Variants in IL11 observed in about 807,000 individuals in gnomAD.
IL11 encodes interleukin-11.
IL11 carries 17 observed loss-of-function variants against 18.1 expected under a neutral mutation model. That is an observed-to-expected ratio of 0.94 (90% CI 0.64 to 1.41). The LOEUF (loss-of-function observed/expected upper bound fraction) is 1.41. IL11 is among the 40% of genes most tolerant of loss of function. IL11 has a pLI of 0.00. For missense variants in IL11, 309 were observed against 262.8 expected (o/e 1.18, Z -1.22); for synonymous variants, 144 against 134.1 (o/e 1.07, Z -0.51).
chr19:55,369,008 G>A lies in IL11; in HGVS notation c.8-67C>T. On this transcript the variant is annotated intron_variant, in intron 1 of 4. Transcript: ENST00000264563. This position sits in a 1 kb window ranked among gnomAD's most constrained non-coding sequence, Gnocchi z 6.1. ...GTCTGAGAGAGGAGGGCCTGGGCCT[G>A]GACTCCCGGGTCTGAGGGAGGAGGA... The A allele has an allele frequency of 7.9e-6, 11 of 1,385,492 alleles. No homozygotes were observed. The highest frequency in any genetic ancestry group is 1.1e-5 in the Non-Finnish European group (11 of 1,040,754). 85.8% of individuals were successfully genotyped at this position (1,385,492 alleles called of 1,614,324 possible).
Position 55,366,248 on chromosome 19 carries a change from A to C in IL11, c.430-71T>G. On this transcript the variant is annotated intron_variant, in intron 4 of 4. Transcript: ENST00000264563. The surrounding 1 kb of genome is among the most constrained non-coding windows in gnomAD (Gnocchi z 4.6). The stretch of plus-strand genomic sequence containing the variant: ...GGGGTGCAGGGCAGGGGTGCTGTGG[A>C]GCTGCAGCTGAATCGGGGCTGCATA... The C allele has an allele frequency of 7.1e-7, 1 of 1,412,314 alleles. No homozygotes were observed. Among genetic ancestry groups the C allele is most frequent in the South Asian group, 1.5e-5 (1 of 65,840 alleles). 87.5% of individuals were successfully genotyped at this position (1,412,314 alleles called of 1,614,324 possible). A position where few individuals can be genotyped will look rare whatever the true frequency, so the allele number is the denominator to read the frequency against.
At position 55,368,769 on chromosome 19, in the gene IL11, C is replaced by A; in HGVS notation, c.180G>T (p.Leu60=). ...CTGGCCCCAGCCCAGTCTCTCCTAC[C>A]AGCTGTGCAGCCAGCTGCCGCGTGT... is the stretch of plus-strand genomic sequence containing the variant. ...LADTRQLAAQ[L]RDKFPADGDH... Residue 60 remains leucine, a splice_region_variant and synonymous_variant, in exon 2 of 5, where the codon CTG becomes CTT. Coordinates refer to ENST00000264563, the MANE Select transcript of IL11 (RefSeq NM_000641.4). 6.3e-7 allele frequency: 1 copy of A among 1,577,498 alleles called. No homozygotes were observed. The highest frequency in any genetic ancestry group is 8.6e-7 in the Non-Finnish European group (1 of 1,161,946).
rs892853992 is a variant in IL11 at position 55,364,725 on chromosome 19, A to G, written c.*1282T>C. On this transcript the variant is annotated 3_prime_UTR_variant, in exon 5 of 5. Coordinates refer to ENST00000264563, the MANE Select transcript of IL11 (RefSeq NM_000641.4). ...GGTCTCGAACTCTTGGACTTCAGTG[A>G]TCCACTCGCTTCGTCCTCCCAAAGT... The G allele has an allele frequency of 6.6e-6, 1 of 152,112 alleles. No individual in the cohort carries two copies. Among genetic ancestry groups the G allele is most frequent in the Non-Finnish European group, 1.5e-5 (1 of 68,038 alleles). 9.4% of individuals were successfully genotyped at this position (152,112 alleles called of 1,614,324 possible). A position where few individuals can be genotyped will look rare whatever the true frequency, so the allele number is the denominator to read the frequency against.
At position 55,368,831 on chromosome 19, in the gene IL11, C is replaced by G; in HGVS notation, c.118G>C (p.Asp40His). The change falls in exon 2 of 5, where the codon GAC (aspartate) becomes CAC (histidine). Residue 40 changes from aspartate (D) to histidine (H), a missense_variant. Coordinates refer to ENST00000264563, the MANE Select transcript of IL11 (RefSeq NM_000641.4). ...RVSPDPRAELDSTVLLTRSLL... is the reference protein window; with the variant it reads ...RVSPDPRAELHSTVLLTRSLL... The stretch of plus-strand genomic sequence containing the variant: ...GAGCGGGTCAGGAGCACGGTGCTGT[C>G]CAGCTCGGCCCGAGGGTCTGGGGAA... The G allele has an allele frequency of 6.3e-7, 1 of 1,591,048 alleles. No homozygotes were observed. The highest frequency in any genetic ancestry group is 8.6e-7 in the Non-Finnish European group (1 of 1,169,424).
In IL11 at chr19:55,368,237, G is replaced by T. The variant is rs1005633961; in HGVS notation, c.402C>A (p.Asp134Glu). Residue 134 changes from aspartate (D) to glutamate (E), a missense_variant, in exon 4 of 5, where the codon GAC (aspartate) becomes GAA (glutamate). Asp to Glu is a conservative substitution (Grantham distance 45, BLOSUM62 2). Transcript: ENST00000264563. ...GGAGCTGCAGCCGGCGCAGCAGCCG[G>T]TCCAGTCGGGCCTGCAGGGTGCCCA... ...PELGTLQARL[D>E]RLLRRLQLLM... 9 of 1,539,726 alleles carry T rather than the reference G, an allele frequency of 5.8e-6. No individual in the cohort carries two copies. The highest frequency in any genetic ancestry group is 6.1e-6 in the Non-Finnish European group (7 of 1,140,132).
At position 55,370,280 on chromosome 19, in the gene IL11, C is replaced by T. The variant is rs1319334802; in HGVS notation, c.7+24G>A. The T allele has an allele frequency of 3.3e-6, 5 of 1,493,988 alleles. No individual in the cohort carries two copies. In the Admixed American group the frequency reaches 8.4e-5, roughly 25 times the overall value. The allele number at this position is 1,493,988 out of a possible 1,614,324, so 92.5% of individuals were successfully genotyped here. A position where few individuals can be genotyped will look rare whatever the true frequency, so the allele number is the denominator to read the frequency against. On this transcript the variant is annotated intron_variant, in intron 1 of 4. Coordinates refer to ENST00000264563, the MANE Select transcript of IL11 (RefSeq NM_000641.4). ...CTCCTCCCTGCCTCCCTGTCCCCTCCACCCTCCCCATGAACCAACTTACAG... is the reference window on the plus strand; with the variant it reads ...CTCCTCCCTGCCTCCCTGTCCCCTCTACCCTCCCCATGAACCAACTTACAG...
At position 55,369,095 on chromosome 19, in the gene IL11, TCTGAGGGAGGAAGGC is replaced by T. The variant is rs2089805151; in HGVS notation, c.8-169_8-155del. 1 of 593,706 alleles carries T rather than the reference TCTGAGGGAGGAAGGC, an allele frequency of 1.7e-6. No homozygotes were observed. Among genetic ancestry groups the T allele is most frequent in the African/African-American group, 2.2e-5 (1 of 44,868 alleles). The allele number at this position is 593,706 out of a possible 1,614,324, so 36.8% of individuals were successfully genotyped here. A position where few individuals can be genotyped will look rare whatever the true frequency, so the allele number is the denominator to read the frequency against. On this transcript the variant is annotated intron_variant, in intron 1 of 4. Coordinates refer to ENST00000264563, the MANE Select transcript of IL11 (RefSeq NM_000641.4). The surrounding 1 kb of genome is among the most constrained non-coding windows in gnomAD (Gnocchi z 6.1). ...GAGGCTGGGGGCCTGGACTCCTAGGTCTGAGGGAGGAAGGCCTGGGGTCTGGACTCCTGGGTCTCG... is the reference window on the plus strand; with the variant it reads ...GAGGCTGGGGGCCTGGACTCCTAGGTCTGGGGTCTGGACTCCTGGGTCTCG...
rs1569031102 is a variant in IL11 at position 55,365,715 on chromosome 19, G to A, written c.*292C>T. 1 of 445,156 alleles carries A rather than the reference G, an allele frequency of 2.2e-6. No individual in the cohort carries two copies. Among genetic ancestry groups the A allele is most frequent in the African/African-American group, 2.1e-5 (1 of 47,648 alleles). 27.6% of individuals were successfully genotyped at this position (445,156 alleles called of 1,614,324 possible). On this transcript the variant is annotated 3_prime_UTR_variant, in exon 5 of 5. Transcript: ENST00000264563. Reference sequence around the variant, plus strand: ...TATATGTTCCTGCCCAGGCCTAGATGGGGAAGAGCCAGGGCAGAAGTCTGT... The same window carrying A: ...TATATGTTCCTGCCCAGGCCTAGATAGGGAAGAGCCAGGGCAGAAGTCTGT...
rs955379031 is a variant in IL11, at chr19:55,369,647, G to C, written c.7+657C>G. The stretch of plus-strand genomic sequence containing the variant: ...GGGGCGCGGGGGGCGCGGGGGGCGC[G>C]GGGGTCCGGAGCTCGCTCCCCGCAG... On this transcript the variant is annotated intron_variant, in intron 1 of 4. Coordinates refer to ENST00000264563, the MANE Select transcript of IL11 (RefSeq NM_000641.4). This position sits in a 1 kb window ranked among gnomAD's most constrained non-coding sequence, Gnocchi z 6.1. 7.8e-6 allele frequency among the ~76,000 whole-genome samples: 1 copy of C among 127,544 alleles called. No homozygotes were observed. Among genetic ancestry groups the C allele is most frequent in the Non-Finnish European group, 1.6e-5 (1 of 62,024 alleles). 83.7% of individuals were successfully genotyped at this position (127,544 alleles called of 152,430 possible). A position where few individuals can be genotyped will look rare whatever the true frequency, so the allele number is the denominator to read the frequency against.
Position 55,368,375 on chromosome 19 carries a change from G to T in IL11, c.268-4C>A. ...GCCTTGTCAGCACACCTGGGAGCTG[G>T]GGATAGAGCCGGGACATCAGAGAAC... On this transcript the variant is annotated splice_polypyrimidine_tract_variant and splice_region_variant and intron_variant, in intron 3 of 4. Transcript: ENST00000264563. The T allele has an allele frequency of 6.3e-7, 1 of 1,593,348 alleles. No individual in the cohort carries two copies. Among genetic ancestry groups the T allele is most frequent in the East Asian group, 2.3e-5 (1 of 44,166 alleles).
rs773337540 is a variant in IL11 at position 55,366,079 on chromosome 19, G to T, written c.528C>A (p.Ala176=). ...SAWGGIRAAH[A]ILGGLHLTLD... is the part of the protein sequence containing the mutation. ...GTGTCAGGTGCAGCCCCCCCAGGATGGCGTGGGCGGCCCTGATGCCCCCCC... is the reference window on the plus strand; with the variant it reads ...GTGTCAGGTGCAGCCCCCCCAGGATTGCGTGGGCGGCCCTGATGCCCCCCC... Residue 176 remains alanine (A), a synonymous_variant, in exon 5 of 5, where the codon GCC becomes GCA. Transcript: ENST00000264563. The surrounding 1 kb of genome is among the most constrained non-coding windows in gnomAD (Gnocchi z 4.6). 2.2e-5 allele frequency: 35 copies of T among 1,591,482 alleles called. No homozygotes were observed. Among genetic ancestry groups the T allele is most frequent in the Non-Finnish European group, 2.7e-5 (32 of 1,170,440 alleles).
rs940416060 is a variant in IL11, at chr19:55,366,549, G to A, written c.430-372C>T. Among the ~76,000 whole-genome samples, 10 of 152,060 alleles carry A rather than the reference G, an allele frequency of 6.6e-5. No homozygotes were observed. Among genetic ancestry groups the A allele is most frequent in the African/African-American group, 2.4e-4 (10 of 41,384 alleles). ...TAAGAAGCCAGGCGCGGGGGCTCAC[G>A]CCTGTTATCCCAGCGCTTTGGGAGG... On this transcript the variant is annotated intron_variant, in intron 4 of 4. Coordinates refer to ENST00000264563, the MANE Select transcript of IL11 (RefSeq NM_000641.4). The surrounding 1 kb of genome is among the most constrained non-coding windows in gnomAD (Gnocchi z 4.6).
At chr19:55,368,156 T>G in intron 4 of IL11, 54 bp downstream of exon 4, 6 of 1,438,808 alleles carry the variant, frequency 4.2e-6, no homozygotes, top group Middle Eastern at 2.5e-4. Context: ...GGCCACAGGA[T>G]TTTGGGGCCA....
At chr19:55,368,626 C>G (rs2089801489) in intron 2 of IL11, 57 bp from the exon 3 acceptor site, 1 of 1,518,290 alleles carries the variant, frequency 6.6e-7, no homozygotes, top group Non-Finnish European at 8.9e-7. Flanking sequence ...CTCCCTCCAT[C>G]CCCCACGCCA....
Position 55,365,158 on chromosome 19 carries a change from G to T in IL11, c.*849C>A, listed in dbSNP as rs893468381. 14 of 152,116 alleles carry T rather than the reference G, an allele frequency of 9.2e-5. No individual in the cohort carries two copies. The highest frequency in any genetic ancestry group is 3.1e-4 in the African/African-American group (13 of 41,406). The allele number at this position is 152,116 out of a possible 1,614,324, so 9.4% of individuals were successfully genotyped here. ...AGTTCGAAACCAGCCTGGCCAACAT[G>T]GTGAAACCCTGTCTCTACTAAAAAT... is the stretch of plus-strand genomic sequence containing the variant. On this transcript the variant is annotated 3_prime_UTR_variant, in exon 5 of 5. Transcript: ENST00000264563.
chr19:55,370,391 G>T lies in IL11; in HGVS notation c.-81C>A. 3 of 1,261,024 alleles carry T rather than the reference G, an allele frequency of 2.4e-6. No individual in the cohort carries two copies. Among genetic ancestry groups the T allele is most frequent in the South Asian group, 1.9e-5 (1 of 51,368 alleles). 78.1% of individuals were successfully genotyped at this position (1,261,024 alleles called of 1,614,324 possible). On this transcript the variant is annotated 5_prime_UTR_variant, in exon 1 of 5. Transcript: ENST00000264563. ...AACCCTTCCCTGTCCGCTGCCGGGG[G>T]AGCCCCGAGGGTCAGCTGGGCCGCG...
Position 55,369,089 on chromosome 19 carries a change from C to T in IL11, c.8-148G>A. 4.7e-6 allele frequency: 3 copies of T among 639,752 alleles called. No homozygotes were observed. The Admixed American group carries it at 1.0e-4, about 22-fold the overall frequency. 39.6% of individuals were successfully genotyped at this position (639,752 alleles called of 1,614,324 possible). A position where few individuals can be genotyped will look rare whatever the true frequency, so the allele number is the denominator to read the frequency against. The stretch of plus-strand genomic sequence containing the variant: ...GGAGGAGAGGCTGGGGGCCTGGACT[C>T]CTAGGTCTGAGGGAGGAAGGCCTGG... On this transcript the variant is annotated intron_variant, in intron 1 of 4. Coordinates refer to ENST00000264563, the MANE Select transcript of IL11 (RefSeq NM_000641.4). This position sits in a 1 kb window ranked among gnomAD's most constrained non-coding sequence, Gnocchi z 6.1.
chr19:55,368,933 G>T lies in IL11; in HGVS notation c.16C>A (p.Arg6Ser). The change falls in exon 2 of 5, where the codon CGC becomes AGC. Residue 6 changes from arginine to serine, a missense_variant. By Grantham distance (110) the Arg-to-Ser change is moderately radical (BLOSUM62 -1). Transcript: ENST00000264563. MNCVC[R>S]LVLVVLSLWP... ...AGGCTCAGCACGACCAGGACCAGGC[G>T]GCAAACACCTGGGGGCAGGATAAGG... 1 of 1,515,452 alleles carries T rather than the reference G, an allele frequency of 6.6e-7. No individual in the cohort carries two copies. The highest frequency in any genetic ancestry group is 8.9e-7 in the Non-Finnish European group (1 of 1,126,618). The allele number at this position is 1,515,452 out of a possible 1,614,324, so 93.9% of individuals were successfully genotyped here. A position where few individuals can be genotyped will look rare whatever the true frequency, so the allele number is the denominator to read the frequency against.
chr19:55,368,156 T>C, intron 4 of IL11, 54 bp downstream of exon 4: 1 of 1,438,822 alleles, frequency 7.0e-7, no homozygotes. Flanking sequence ...GGCCACAGGA[T>C]TTTGGGGCCA....
Sources: allele counts gnomAD v4.1 joint callset (sites outside exome capture counted in the v4.1 genomes callset), GRCh38; gene constraint gnomAD v4.1.1; non-coding constraint Gnocchi (gnomAD v3.1); transcripts MANE v1.5; gene names NCBI Gene and HGNC (gene_info 2026-07-23, HGNC 2026-07-21).